The following METTL9 variants were observed in gnomAD, a reference collection of about 807,000 sequenced individuals.
The protein encoded by METTL9 is protein-L-histidine N-pros-methyltransferase.
A neutral mutation model predicts 36.0 loss-of-function variants in METTL9; 10 were observed. That is an observed-to-expected ratio of 0.28 (90% CI 0.17 to 0.47). METTL9 has a LOEUF of 0.47. Ranked by LOEUF, METTL9 falls within the 20% of genes least tolerant of loss-of-function variation. The pLI is 0.99. For synonymous variants in METTL9, 175 were observed against 149.7 expected, an observed-to-expected ratio of 1.17 and a Z score of -1.23; for missense variants, 246 against 383.5, an observed-to-expected ratio of 0.64 and a Z score of 3.00.
rs947965707 is a variant in METTL9 at position 21,628,549 on chromosome 16, A to C, written c.751+3434A>C. Among the ~76,000 whole-genome samples, 5 of 151,880 alleles carry C rather than the reference A, an allele frequency of 3.3e-5. 1 individual carries two copies. The highest frequency in any genetic ancestry group is 7.4e-5 in the Non-Finnish European group (5 of 67,974). On this transcript the variant is annotated intron_variant, in intron 4 of 4. Coordinates refer to ENST00000358154, the MANE Select transcript of METTL9 (RefSeq NM_016025.5). ...TGCTCTGTTGCCCAGACGGGAGTGC[A>C]GTGGTGCTGTCACAGCTCACTGCAG... is the stretch of plus-strand genomic sequence containing the variant.
chr16:21,625,994 T>A (rs1231856059), intron 4 of METTL9, among the ~76,000 whole-genome samples: 1 of 152,118 alleles, frequency 6.6e-6, no homozygotes, highest in Admixed American at 6.5e-5. Context: ...ACCTCGTGGG[T>A]TCAGGCATTC....
At chr16:21,626,860 T>C (rs1463960523) in intron 4 of METTL9, 1 of 783,790 alleles carries the variant, frequency 1.3e-6, no homozygotes, top group East Asian at 1.3e-4. Flanking sequence ...CTTCCTGGCA[T>C]AGCAGGAGAT....
At chr16:21,603,017 C>T (rs927457689) in intron 1 of METTL9, among the ~76,000 whole-genome samples, 1 of 152,160 alleles carries the variant, frequency 6.6e-6, no homozygotes, top group African/African-American at 2.4e-5. Context: ...GGTCTATGAG[C>T]TCCCTGGCTA....
chr16:21,646,005 G>A (rs1002650199), intron 4 of METTL9, among the ~76,000 whole-genome samples: 5 of 152,130 alleles, frequency 3.3e-5, no homozygotes, highest in African/African-American at 1.2e-4. Context: ...TTTTGAAATC[G>A]AAGGGCTGGT....
chr16:21,652,605 G>T (rs762741600), intron 4 of METTL9: 2 of 1,606,740 alleles, frequency 1.2e-6, no homozygotes, highest in African/African-American at 2.7e-5. Context: ...CCATTTCTGT[G>T]TATGCCGGGG....
At chr16:21,622,921 A>G (rs1965740488) in intron 3 of METTL9, among the ~76,000 whole-genome samples, 1 of 152,222 alleles carries the variant, frequency 6.6e-6, no homozygotes, top group Admixed American at 6.5e-5. Flanking sequence ...TTAAAAATCA[A>G]ATATATAATT....
chr16:21,599,977 G>T lies in METTL9; in HGVS notation c.165+79G>T, dbSNP rs1014732907. On this transcript the variant is annotated intron_variant, in intron 1 of 4. Transcript: ENST00000358154. The surrounding 1 kb of genome is among the most constrained non-coding windows in gnomAD (Gnocchi z 4.4). ...GCTGGGCCCGGCTATTGTGCGGGACGGCTCCGCGAGGGGGCGGCCCGGCCC... is the reference window on the plus strand; with the variant it reads ...GCTGGGCCCGGCTATTGTGCGGGACTGCTCCGCGAGGGGGCGGCCCGGCCC... 13 of 1,152,912 alleles carry T rather than the reference G, an allele frequency of 1.1e-5. No homozygotes were observed. Among genetic ancestry groups the T allele is most frequent in the African/African-American group, 1.6e-5 (1 of 61,690 alleles). The allele number at this position is 1,152,912 out of a possible 1,614,324, so 71.4% of individuals were successfully genotyped here. A position where few individuals can be genotyped will look rare whatever the true frequency, so the allele number is the denominator to read the frequency against.
At chr16:21,623,562 T>G (rs1433708252) in intron 3 of METTL9, among the ~76,000 whole-genome samples, 1 of 152,168 alleles carries the variant, frequency 6.6e-6, no homozygotes, top group Non-Finnish European at 1.5e-5. Context: ...TTTGTAAAAT[T>G]GCCTAATTGT....
intron 4 of METTL9, chr16:21,652,091 A>G (rs1286786735): frequency 6.6e-6 from 1 of 152,422 alleles, no homozygotes; most frequent in Non-Finnish European, 1.5e-5. Context: ...GAATTTTAAA[A>G]ATAGATATAC....
chr16:21,643,168 T>C lies in METTL9; in HGVS notation c.752-12059T>C, dbSNP rs745888169. 43 of 1,580,084 alleles carry C rather than the reference T, an allele frequency of 2.7e-5. 3 individuals are homozygous for C. The highest frequency in any genetic ancestry group is 2.6e-4 in the South Asian group (23 of 90,092). ...AGCACTCTTCTTCTATAAAGACAAATGAGAAAAAAAAATTCTCTTTTGGGA... is the reference window on the plus strand; with the variant it reads ...AGCACTCTTCTTCTATAAAGACAAACGAGAAAAAAAAATTCTCTTTTGGGA... On this transcript the variant is annotated intron_variant, in intron 4 of 4. Coordinates refer to ENST00000358154, the MANE Select transcript of METTL9 (RefSeq NM_016025.5).
intron 1 of METTL9, 146 bp from the exon 2 acceptor site, chr16:21,612,499 A>G: frequency 1.4e-6 from 1 of 726,074 alleles, no homozygotes; most frequent in Non-Finnish European, 2.1e-6. Context: ...GAGTATACGA[A>G]ATGATTATTC....
chr16:21,599,574 C>G, upstream of METTL9: 2 of 1,287,970 alleles, frequency 1.6e-6, no homozygotes, highest in Non-Finnish European at 2.0e-6. The surrounding 1 kb of genome is among the most constrained non-coding windows in gnomAD (Gnocchi z 4.4). Context: ...GCGCCGGCTG[C>G]TCCTCCCCAC....
At chr16:21,599,511 AG>A (rs1254079395), upstream of METTL9, 69 of 1,240,430 alleles carry the variant, frequency 5.6e-5, no homozygotes, top group Admixed American at 2.2e-4. The surrounding 1 kb of genome is among the most constrained non-coding windows in gnomAD (Gnocchi z 4.4). Context: ...AAACTGGTGC[AG>A]GGGGCAGCGG....
rs189447676 is a variant in METTL9 at position 21,600,888 on chromosome 16, C to T, written c.165+990C>T. Among the ~76,000 whole-genome samples the T allele has an allele frequency of 2.3e-3, 344 of 152,240 alleles. 3 individuals are homozygous for T. The highest frequency in any genetic ancestry group is 7.7e-3 in the African/African-American group (318 of 41,530). The stretch of plus-strand genomic sequence containing the variant: ...GAGTATTAATTATTCCCTATATCAT[C>T]TTGTGTCTCATCATTTTCATATATT... On this transcript the variant is annotated intron_variant, in intron 1 of 4. Coordinates refer to ENST00000358154, the MANE Select transcript of METTL9 (RefSeq NM_016025.5).
At position 21,612,722 on chromosome 16, in the gene METTL9, A is replaced by G. The variant is rs148659999; in HGVS notation, c.243A>G (p.Thr81=). The change falls in exon 2 of 5, where the codon ACA becomes ACG. Residue 81 remains threonine, a synonymous_variant. Transcript: ENST00000358154. ...TTCAGAGTTACCTTGATCAAGGAAC[A>G]CAGATCTTCTTAAACAACAGCATTG... ...VFVQSYLDQG[T]QIFLNNSIEK... The G allele has an allele frequency of 4.7e-4, 757 of 1,612,870 alleles. 1 individual carries two copies. In the Middle Eastern group the frequency reaches 0.011, roughly 24 times the overall value.
At chr16:21,602,300 TC>T (rs1965154027) in intron 1 of METTL9, among the ~76,000 whole-genome samples, 1 of 152,196 alleles carries the variant, frequency 6.6e-6, no homozygotes, top group Non-Finnish European at 1.5e-5. Flanking sequence ...AAAAGAGAGA[TC>T]TTGGGCAATG....
intron 4 of METTL9, among the ~76,000 whole-genome samples, chr16:21,636,102 T>C (rs1279249644): frequency 6.6e-6 from 1 of 152,170 alleles, no homozygotes. Context: ...AAAGATGTTG[T>C]GCCTCAAAAA....
chr16:21,629,813 A>G (rs536017245), intron 4 of METTL9, among the ~76,000 whole-genome samples: 5 of 151,738 alleles, frequency 3.3e-5, no homozygotes, highest in Non-Finnish European at 4.4e-5. Flanking sequence ...TGATTGGTCC[A>G]TTTTACAGAG....
chr16:21,619,700 T>C (rs1965646782), intron 3 of METTL9, among the ~76,000 whole-genome samples: 1 of 150,478 alleles, frequency 6.6e-6, no homozygotes, highest in South Asian at 2.1e-4. Flanking sequence ...CCTCCCAAAG[T>C]GTTGGGATTA....
Sources: gnomAD v4.1 joint callset for allele counts (sites outside exome capture counted in the v4.1 genomes callset) on GRCh38, gnomAD v4.1.1 for gene constraint, Gnocchi (gnomAD v3.1) non-coding constraint, MANE v1.5 for transcripts, NCBI Gene and HGNC (gene_info 2026-07-23, HGNC 2026-07-21) for gene names.